Variants in CSMD1 observed in about 807,000 individuals in gnomAD.
The protein encoded by CSMD1 is CUB and Sushi multiple domains 1.
Under a neutral mutation model 417.5 loss-of-function variants are expected in CSMD1, and 213 were observed. The ratio of observed to expected loss-of-function variants is 0.51; its 90% CI spans 0.46 to 0.57. The LOEUF is 0.57. Among genes scored for constraint, CSMD1 ranks in the 20% least tolerant of loss-of-function variants. The pLI, the probability that CSMD1 is intolerant of heterozygous loss-of-function variation, is 0.00. For synonymous variants in CSMD1, 2,862 were observed against 1,736.8 expected (o/e 1.65, Z -16.11); for missense variants, 6,923 against 4,529.7 (o/e 1.53, Z -15.17).
intron 3 of CSMD1, among the ~76,000 whole-genome samples, chr8:4,186,411 G>C (rs1235658869): frequency 1.3e-5 from 2 of 152,094 alleles, no homozygotes; most frequent in Admixed American, 1.3e-4. Flanking sequence ...TCCAGTCCCT[G>C]ACACACTGAG....
intron 42 of CSMD1, among the ~76,000 whole-genome samples, chr8:3,115,202 C>G (rs75464617): frequency 7.4e-6 from 1 of 135,258 alleles, no homozygotes; most frequent in Non-Finnish European, 1.6e-5. Context: ...AATCCCCCCC[C>G]CCCCTTTTTT....
At chr8:4,469,676 G>A (rs993099256) in intron 2 of CSMD1, among the ~76,000 whole-genome samples, 1 of 151,990 alleles carries the variant, frequency 6.6e-6, no homozygotes, top group South Asian at 2.1e-4. Context: ...CAGGCCCAGG[G>A]AACTCTTGTC....
intron 3 of CSMD1, among the ~76,000 whole-genome samples, chr8:4,181,129 C>G (rs966575985): frequency 6.6e-6 from 1 of 152,040 alleles, no homozygotes; most frequent in Non-Finnish European, 1.5e-5. Context: ...CCAAGTGCTG[C>G]GAAACAGCCA....
At chr8:3,878,014 A>C (rs1805945545) in intron 5 of CSMD1, among the ~76,000 whole-genome samples, 1 of 152,110 alleles carries the variant, frequency 6.6e-6, no homozygotes, top group African/African-American at 2.4e-5. Context: ...AACTTTCCAA[A>C]GATAAAATGA....
chr8:3,779,432 T>C (rs967376376), intron 5 of CSMD1, among the ~76,000 whole-genome samples: 1 of 152,168 alleles, frequency 6.6e-6, no homozygotes, highest in African/African-American at 2.4e-5. Flanking sequence ...TCAAGAAAGA[T>C]CGTTTAAGTT....
At chr8:4,158,139 C>G (rs1328141178) in intron 3 of CSMD1, among the ~76,000 whole-genome samples, 2 of 150,380 alleles carry the variant, frequency 1.3e-5, no homozygotes, top group African/African-American at 4.9e-5. Flanking sequence ...TCCCTGAGGT[C>G]AGACCATTCT....
chr8:4,056,078 C>CTTTTTTTTTT (rs58415435), intron 3 of CSMD1, among the ~76,000 whole-genome samples: 1 of 97,842 alleles, frequency 1.0e-5, no homozygotes, highest in Non-Finnish European at 1.9e-5. Context: ...TGGTGGCTTC[C>CTTTTTTTTTT]TTTTTTTTTT....
intron 3 of CSMD1, among the ~76,000 whole-genome samples, chr8:4,379,192 C>A (rs144040637): frequency 6.6e-6 from 1 of 152,104 alleles, no homozygotes; most frequent in Non-Finnish European, 1.5e-5. Flanking sequence ...TAGTATTCTG[C>A]CCCCAAGTTC....
intron 3 of CSMD1, among the ~76,000 whole-genome samples, chr8:4,127,124 T>G (rs1209415676): frequency 6.6e-6 from 1 of 152,034 alleles, no homozygotes; most frequent in African/African-American, 2.4e-5. Context: ...CCCAGAGAAA[T>G]GCTTCTCTGA....
chr8:4,116,482 C>A (rs1041296816), intron 3 of CSMD1, among the ~76,000 whole-genome samples: 1 of 131,176 alleles, frequency 7.6e-6, no homozygotes, highest in African/African-American at 3.2e-5. Context: ...CATGAATGAA[C>A]CCTAACGTAA....
At chr8:4,483,358 T>C (rs188903660) in intron 2 of CSMD1, among the ~76,000 whole-genome samples, 1 of 152,308 alleles carries the variant, frequency 6.6e-6, no homozygotes, top group Non-Finnish European at 1.5e-5. Context: ...AATACACCAG[T>C]AGATAAATTA....
rs375629941 is a variant in CSMD1 at position 4,732,274 on chromosome 8, C to G, written c.86-94716G>C. ...GCATATGGTGTAATTGAAAGACACT[C>G]TGCTAGATTCTAGAAACCTTAATGT... On this transcript the variant is annotated intron_variant, in intron 1 of 69. Transcript: ENST00000635120. 2.5e-4 allele frequency among the ~76,000 whole-genome samples: 38 copies of G among 152,016 alleles called. No individual in the cohort carries two copies. The East Asian group carries it at 4.1e-3, about 16-fold the overall frequency.
chr8:4,075,587 T>C (rs1301587102), intron 3 of CSMD1, among the ~76,000 whole-genome samples: 1 of 152,220 alleles, frequency 6.6e-6, no homozygotes, highest in East Asian at 1.9e-4. Context: ...ATTAATTTAT[T>C]CCTTGTTCTG....
chr8:4,586,769 C>G (rs1269112650), intron 2 of CSMD1, among the ~76,000 whole-genome samples: 1 of 152,172 alleles, frequency 6.6e-6, no homozygotes, highest in African/African-American at 2.4e-5. Flanking sequence ...CCCCATGGCA[C>G]TTTCTGTGCT....
chr8:4,126,991 A>G (rs2130962910), intron 3 of CSMD1, among the ~76,000 whole-genome samples: 1 of 152,256 alleles, frequency 6.6e-6, no homozygotes, highest in South Asian at 2.1e-4. Flanking sequence ...TGCACATTCG[A>G]GTTTGAGAGC....
At position 4,442,673 on chromosome 8, in the gene CSMD1, C is replaced by T. The variant is rs534178007; in HGVS notation, c.303-22608G>A. Among the ~76,000 whole-genome samples the T allele has an allele frequency of 6.6e-5, 10 of 152,238 alleles. No homozygotes were observed. The East Asian group carries it at 1.7e-3, about 26-fold the overall frequency. On this transcript the variant is annotated intron_variant, in intron 2 of 69. Coordinates refer to ENST00000635120, the MANE Select transcript of CSMD1 (RefSeq NM_033225.6). Reference sequence around the variant, plus strand: ...ACTTTTAAAACTTCATTGACTTTCCCTTATTCAATGTCTCCGAAAAGGTAG... The same window carrying T: ...ACTTTTAAAACTTCATTGACTTTCCTTTATTCAATGTCTCCGAAAAGGTAG...
intron 1 of CSMD1, among the ~76,000 whole-genome samples, chr8:4,896,025 A>G (rs1804457450): frequency 6.6e-6 from 1 of 152,048 alleles, no homozygotes; most frequent in Non-Finnish European, 1.5e-5. Flanking sequence ...GATATTTGTA[A>G]TGATTCTACA....
At chr8:4,979,024 T>G (rs1472038889) in intron 1 of CSMD1, among the ~76,000 whole-genome samples, 1 of 152,150 alleles carries the variant, frequency 6.6e-6, no homozygotes, top group African/African-American at 2.4e-5. Context: ...AGAGCAAAAT[T>G]TCCTATTATT....
chr8:3,571,607 G>T (rs568937548), intron 10 of CSMD1, among the ~76,000 whole-genome samples: 11 of 152,172 alleles, frequency 7.2e-5, no homozygotes, highest in African/African-American at 2.6e-4. Context: ...GCAGCTGCAG[G>T]GGGAAGCCTG....
Sources: gnomAD v4.1 joint callset for allele counts (sites outside exome capture counted in the v4.1 genomes callset) on GRCh38, gnomAD v4.1.1 for gene constraint, MANE v1.5 for transcripts, NCBI Gene and HGNC (gene_info 2026-07-23, HGNC 2026-07-21) for gene names.